SNTG1: variants seen among roughly 807,000 people sequenced by gnomAD.
SNTG1 encodes syntrophin gamma 1.
SNTG1 carries 39 observed loss-of-function variants against 74.7 expected under a neutral mutation model. The observed-to-expected ratio is 0.52, with a 90% confidence interval of 0.40 to 0.68. The LOEUF is 0.68. Ranked by LOEUF, SNTG1 falls within the 30% of genes least tolerant of loss-of-function variation. The pLI, the probability that SNTG1 is intolerant of heterozygous loss-of-function variation, is 0.00. For missense variants in SNTG1, 685 were observed against 609.5 expected (o/e 1.12, Z -1.30); for synonymous variants, 254 against 217.1 (o/e 1.17, Z -1.49).
At chr8:50,602,994 T>A (rs1344781200) in intron 13 of SNTG1, among the ~76,000 whole-genome samples, 1 of 152,012 alleles carries the variant, frequency 6.6e-6, no homozygotes, top group Non-Finnish European at 1.5e-5. Flanking sequence ...CTTGAGATTG[T>A]CTTCTTTAGA....
intron 9 of SNTG1, among the ~76,000 whole-genome samples, chr8:50,509,300 A>G (rs1441287676): frequency 2.0e-5 from 3 of 152,160 alleles, no homozygotes; most frequent in East Asian, 3.9e-4. Context: ...TGGTACCAGT[A>G]CCATGCTGTT....
intron 2 of SNTG1, among the ~76,000 whole-genome samples, chr8:50,342,650 CA>C (rs1316469452): frequency 2.6e-5 from 4 of 152,102 alleles, no homozygotes; most frequent in African/African-American, 9.7e-5. Flanking sequence ...ACATTCCCCC[CA>C]GCAAAACTGA....
intron 8 of SNTG1, among the ~76,000 whole-genome samples, chr8:50,460,282 C>T (rs1174074910): frequency 1.3e-5 from 2 of 152,134 alleles, no homozygotes; most frequent in Non-Finnish European, 2.9e-5. Context: ...TCTATGTCTT[C>T]TTTTGAGAAG....
chr8:50,697,393 G>A (rs1194191256), intron 15 of SNTG1, among the ~76,000 whole-genome samples: 1 of 152,052 alleles, frequency 6.6e-6, no homozygotes, highest in East Asian at 1.9e-4. Context: ...TTGACTTTCT[G>A]TTTTCCAATG....
At chr8:50,350,101 C>T (rs771284726) in intron 2 of SNTG1, among the ~76,000 whole-genome samples, 6 of 152,158 alleles carry the variant, frequency 3.9e-5, no homozygotes, top group South Asian at 2.1e-4. Flanking sequence ...CCAGCAGCGC[C>T]GGCTCACGGG....
Position 50,685,777 on chromosome 8 carries a change from C to T in SNTG1, c.1039-18823C>T, listed in dbSNP as rs372448503. Among the ~76,000 whole-genome samples the T allele has an allele frequency of 5.3e-5, 8 of 152,286 alleles. No individual in the cohort carries two copies. In the South Asian group the frequency reaches 1.7e-3, roughly 32 times the overall value. ...CACACACACACATACAGCACATGAT[C>T]TCTAGAGAATGGAGGAAGAGTCAGA... On this transcript the variant is annotated intron_variant, in intron 15 of 18. Coordinates refer to ENST00000642720, the MANE Select transcript of SNTG1 (RefSeq NM_018967.5).
At chr8:50,250,330 C>T (rs2086592342) in intron 2 of SNTG1, among the ~76,000 whole-genome samples, 1 of 151,852 alleles carries the variant, frequency 6.6e-6, no homozygotes, top group African/African-American at 2.4e-5. Context: ...ATATATGGGA[C>T]TTCATTAAGC....
intron 8 of SNTG1, among the ~76,000 whole-genome samples, chr8:50,471,139 C>G (rs920678714): frequency 4.6e-5 from 7 of 152,082 alleles, no homozygotes; most frequent in Non-Finnish European, 8.8e-5. Context: ...CAACCCACCC[C>G]AGAAGCCCAG....
intron 13 of SNTG1, among the ~76,000 whole-genome samples, chr8:50,602,645 T>C (rs1399327564): frequency 2.0e-5 from 3 of 152,196 alleles, no homozygotes; most frequent in Non-Finnish European, 4.4e-5. Context: ...CATCATTTTC[T>C]TTCATGTCGA....
At chr8:50,178,425 A>G (rs2083080870) in intron 2 of SNTG1, among the ~76,000 whole-genome samples, 1 of 150,574 alleles carries the variant, frequency 6.6e-6, no homozygotes, top group Non-Finnish European at 1.5e-5. Flanking sequence ...ACACACACAC[A>G]CAGGGATAGT....
At chr8:50,219,960 GA>G (rs950072835) in intron 2 of SNTG1, among the ~76,000 whole-genome samples, 8 of 152,180 alleles carry the variant, frequency 5.3e-5, no homozygotes, top group Admixed American at 5.2e-4. Flanking sequence ...AATTCACCAG[GA>G]GGGGAGAACA....
intron 18 of SNTG1, among the ~76,000 whole-genome samples, chr8:50,765,279 A>G (rs955659275): frequency 6.6e-6 from 1 of 152,024 alleles, no homozygotes; most frequent in African/African-American, 2.4e-5. Context: ...CAATTATTGT[A>G]TAACAGTTTC....
intron 12 of SNTG1, among the ~76,000 whole-genome samples, chr8:50,578,950 T>C (rs887326033): frequency 1.3e-5 from 2 of 152,120 alleles, no homozygotes; most frequent in African/African-American, 4.8e-5. Context: ...TGGAAGTGAC[T>C]TGGGAGCTGG....
At chr8:50,186,659 G>T (rs554685914) in intron 2 of SNTG1, among the ~76,000 whole-genome samples, 1 of 151,654 alleles carries the variant, frequency 6.6e-6, no homozygotes, top group African/African-American at 2.4e-5. Flanking sequence ...TTTGTTGGCG[G>T]CATAAATGTC....
At chr8:50,651,903 C>T (rs1031139626) in intron 13 of SNTG1, among the ~76,000 whole-genome samples, 13 of 152,036 alleles carry the variant, frequency 8.6e-5, no homozygotes, top group Admixed American at 5.2e-4. Context: ...CTCGGCCTCC[C>T]GAGTAGCTGG....
intron 2 of SNTG1, among the ~76,000 whole-genome samples, chr8:50,179,341 T>C (rs2083115785): frequency 6.6e-6 from 1 of 152,190 alleles, no homozygotes; most frequent in African/African-American, 2.4e-5. Flanking sequence ...CCTGTGAAAA[T>C]GCCATTGAAA....
chr8:50,435,921 T>C (rs1267587222), intron 4 of SNTG1, among the ~76,000 whole-genome samples: 1 of 152,182 alleles, frequency 6.6e-6, no homozygotes, highest in Non-Finnish European at 1.5e-5. Flanking sequence ...AGTGGGCTTG[T>C]AGAGCATGAG....
At chr8:50,231,441 T>C (rs1375410243) in intron 2 of SNTG1, among the ~76,000 whole-genome samples, 1 of 151,442 alleles carries the variant, frequency 6.6e-6, no homozygotes, top group African/African-American at 2.4e-5. Flanking sequence ...CATATGTTCA[T>C]TCCAGCACTG....
chr8:50,230,171 A>T (rs900886152), intron 2 of SNTG1, among the ~76,000 whole-genome samples: 23 of 151,630 alleles, frequency 1.5e-4, no homozygotes, highest in South Asian at 1.0e-3. Context: ...AAAACTAGAG[A>T]AAAAGCAATT....
Sources: allele counts gnomAD v4.1 joint callset (sites outside exome capture counted in the v4.1 genomes callset), GRCh38; gene constraint gnomAD v4.1.1; transcripts MANE v1.5; gene names NCBI Gene and HGNC (gene_info 2026-07-23, HGNC 2026-07-21).